Variants in DLG2 observed in about 807,000 individuals in gnomAD.
The protein encoded by DLG2 is discs large MAGUK scaffold protein 2.
A neutral mutation model predicts 132.5 loss-of-function variants in DLG2; 45 were observed. That is an observed-to-expected ratio of 0.34 (90% CI 0.27 to 0.44). The LOEUF (loss-of-function observed/expected upper bound fraction) is 0.44. DLG2 is among the 20% of genes least tolerant of loss of function. The pLI is 1.00. For missense variants in DLG2, 1,045 were observed against 1,196.9 expected, an observed-to-expected ratio of 0.87 and a Z score of 1.87; for synonymous variants, 424 against 419.6, an observed-to-expected ratio of 1.01 and a Z score of -0.13.
At chr11:84,894,059 T>C (rs2089845061) in intron 6 of DLG2, among the ~76,000 whole-genome samples, 1 of 152,162 alleles carries the variant, frequency 6.6e-6, no homozygotes, top group South Asian at 2.1e-4. Flanking sequence ...TTATGGTCAC[T>C]GAGGTTCTAT....
intron 20 of DLG2, among the ~76,000 whole-genome samples, chr11:83,535,715 GAA>G (rs1456431625): frequency 2.5e-4 from 38 of 152,132 alleles, no homozygotes; most frequent in African/African-American, 7.7e-4. Flanking sequence ...ACCCATGAAG[GAA>G]GTTGAAAAGC....
chr11:83,768,456 T>C (rs2094238015), intron 18 of DLG2, among the ~76,000 whole-genome samples: 1 of 152,234 alleles, frequency 6.6e-6, no homozygotes, highest in Admixed American at 6.5e-5. Context: ...TCTCTTTTCT[T>C]TTCCTAATCA....
chr11:85,427,256 A>G (rs969498316), intron 3 of DLG2, among the ~76,000 whole-genome samples: 10 of 152,296 alleles, frequency 6.6e-5, no homozygotes, highest in South Asian at 2.1e-4. Context: ...CCAACATTCA[A>G]ATTCAGGAAA....
At chr11:84,596,242 T>A (rs1160879310) in intron 6 of DLG2, among the ~76,000 whole-genome samples, 2 of 151,550 alleles carry the variant, frequency 1.3e-5, no homozygotes, top group Non-Finnish European at 2.9e-5. Flanking sequence ...AGCTTTGCTC[T>A]TATCACCCAG....
intron 6 of DLG2, among the ~76,000 whole-genome samples, chr11:84,634,087 A>T (rs1363711698): frequency 1.3e-5 from 2 of 152,178 alleles, no homozygotes; most frequent in African/African-American, 4.8e-5. Context: ...AGGCATCTGC[A>T]GCTTGGGCAT....
intron 7 of DLG2, among the ~76,000 whole-genome samples, chr11:84,447,176 T>C (rs1484135880): frequency 6.6e-6 from 1 of 152,218 alleles, no homozygotes; most frequent in Non-Finnish European, 1.5e-5. Flanking sequence ...ATCATTATTG[T>C]GACCTTGGAA....
At chr11:83,945,934 G>GTCCTTCCTTCCTTCCTTCCTTTCCT (rs2083774656) in intron 14 of DLG2, among the ~76,000 whole-genome samples, 1 of 136,026 alleles carries the variant, frequency 7.4e-6, no homozygotes, top group Non-Finnish European at 1.6e-5. Context: ...CCTTCCTTCC[G>GTCCTTCCTTCCTTCCTTCCTTTCCT]TCCTTCCTTC....
At chr11:84,143,195 T>G (rs776593889) in intron 9 of DLG2, among the ~76,000 whole-genome samples, 4 of 151,878 alleles carry the variant, frequency 2.6e-5, no homozygotes, top group Non-Finnish European at 5.9e-5. Context: ...ATATAAAAGG[T>G]AGGCACATGT....
intron 19 of DLG2, among the ~76,000 whole-genome samples, chr11:83,590,427 G>A (rs2097167854): frequency 1.3e-5 from 2 of 152,078 alleles, no homozygotes; most frequent in Admixed American, 1.3e-4. Flanking sequence ...AAATAAAGAT[G>A]TTCTTTGAAA....
rs1289135406 is a variant in DLG2 at position 84,636,967 on chromosome 11, T to C, written c.358-102236A>G. 3.3e-5 allele frequency among the ~76,000 whole-genome samples: 5 copies of C among 152,030 alleles called. No homozygotes were observed. In the East Asian group the frequency reaches 9.7e-4, roughly 29 times the overall value. ...TGCTAATTTTTTTTTTTTTCCGTTT[T>C]AGTAGAGACGGGTCTTCGCCATGTT... On this transcript the variant is annotated intron_variant, in intron 6 of 27. Transcript: ENST00000376104.
At chr11:83,687,303 A>G (rs2079975021) in intron 18 of DLG2, among the ~76,000 whole-genome samples, 2 of 152,198 alleles carry the variant, frequency 1.3e-5, no homozygotes, top group Non-Finnish European at 2.9e-5. Context: ...GTACATGAGG[A>G]AATCGCAGCT....
chr11:84,449,156 T>A (rs1602324789), intron 7 of DLG2, among the ~76,000 whole-genome samples: 1 of 151,824 alleles, frequency 6.6e-6, no homozygotes, highest in African/African-American at 2.4e-5. Flanking sequence ...GCTGTCACAT[T>A]TTTTTTACTT....
At chr11:85,567,511 G>A (rs990611779) in intron 3 of DLG2, among the ~76,000 whole-genome samples, 3 of 152,034 alleles carry the variant, frequency 2.0e-5, no homozygotes, top group African/African-American at 7.2e-5. Context: ...TTCTGAGCTT[G>A]TTTATTAGCT....
At chr11:85,368,590 T>C (rs1007547538) in intron 3 of DLG2, among the ~76,000 whole-genome samples, 6 of 152,206 alleles carry the variant, frequency 3.9e-5, no homozygotes, top group African/African-American at 1.4e-4. Context: ...TCTTCTAGAG[T>C]ATAGAACGAG....
At chr11:85,270,241 T>C (rs140792656) in intron 4 of DLG2, among the ~76,000 whole-genome samples, 23 of 152,310 alleles carry the variant, frequency 1.5e-4, no homozygotes, top group African/African-American at 4.8e-4. Context: ...ATTCTCATGA[T>C]AGTGAATAAG....
intron 18 of DLG2, among the ~76,000 whole-genome samples, chr11:83,761,894 C>G (rs897919502): frequency 6.6e-6 from 1 of 152,114 alleles, no homozygotes; most frequent in Non-Finnish European, 1.5e-5. Flanking sequence ...AGGTCTTTCC[C>G]TTCCAGTTCT....
intron 4 of DLG2, among the ~76,000 whole-genome samples, chr11:85,226,285 T>C (rs2074973057): frequency 6.6e-6 from 1 of 151,934 alleles, no homozygotes; most frequent in African/African-American, 2.4e-5. Context: ...GATGCATAGA[T>C]GGATGCATGG....
At chr11:84,166,242 G>A (rs2095659140) in intron 8 of DLG2, among the ~76,000 whole-genome samples, 2 of 152,282 alleles carry the variant, frequency 1.3e-5, no homozygotes, top group South Asian at 2.1e-4. Flanking sequence ...AGTGGCTCAT[G>A]CCTGTAATTC....
intron 7 of DLG2, among the ~76,000 whole-genome samples, chr11:84,452,236 GA>G (rs1182030749): frequency 6.6e-6 from 1 of 151,696 alleles, no homozygotes; most frequent in Non-Finnish European, 1.5e-5. Context: ...ACAGTAAGGA[GA>G]ACAGCATGGC....
Sources: allele counts gnomAD v4.1 joint callset (sites outside exome capture counted in the v4.1 genomes callset), GRCh38; gene constraint gnomAD v4.1.1; transcripts MANE v1.5; gene names NCBI Gene and HGNC (gene_info 2026-07-23, HGNC 2026-07-21).